The following NEBL variants were observed in gnomAD, a reference collection of about 807,000 sequenced individuals.
NEBL encodes the protein LIM and SH3 protein 2.
In NEBL, 122 loss-of-function variants were observed where a neutral mutation model predicts 140.2. The observed-to-expected ratio is 0.87, with a 90% confidence interval of 0.75 to 1.01. The LOEUF (loss-of-function observed/expected upper bound fraction) is 1.01. Among genes scored for constraint, NEBL ranks in the 50% least tolerant of loss-of-function variants. The pLI is 0.00. For missense variants in NEBL, 1,365 were observed against 1,231.3 expected (o/e 1.11, Z -1.62); for synonymous variants, 436 against 398.9 (o/e 1.09, Z -1.11).
chr10:21,038,363 A>G (rs1372029021), intron 2 of NEBL, among the ~76,000 whole-genome samples: 1 of 151,942 alleles, frequency 6.6e-6, no homozygotes, highest in Non-Finnish European at 1.5e-5. Flanking sequence ...TCTCCCCTTT[A>G]CTGCCAGCCC....
intron 4 of NEBL, among the ~76,000 whole-genome samples, chr10:20,919,251 A>G (rs1450410398): frequency 3.9e-5 from 6 of 152,164 alleles, no homozygotes; most frequent in African/African-American, 2.4e-5. Flanking sequence ...TATGCAACGT[A>G]CTGGTTGAGA....
At chr10:20,903,263 A>T (rs1489664801) in intron 4 of NEBL, among the ~76,000 whole-genome samples, 1 of 152,246 alleles carries the variant, frequency 6.6e-6, no homozygotes, top group Non-Finnish European at 1.5e-5. Flanking sequence ...ATATGAAAAA[A>T]ATGCTCAATA....
At chr10:20,973,207 T>C (rs1234591716) in intron 3 of NEBL, among the ~76,000 whole-genome samples, 4 of 152,184 alleles carry the variant, frequency 2.6e-5, no homozygotes, top group Non-Finnish European at 5.9e-5. Flanking sequence ...TCCTGATTAA[T>C]CTTCAAAATC....
chr10:20,889,033 G>A (rs758489599), intron 3 of NEBL, among the ~76,000 whole-genome samples: 13 of 152,152 alleles, frequency 8.5e-5, no homozygotes, highest in Admixed American at 3.3e-4. Context: ...GAAAGAAAAC[G>A]TACTGATTTC....
intron 2 of NEBL, among the ~76,000 whole-genome samples, chr10:21,101,164 T>C (rs755647099): frequency 3.9e-5 from 6 of 152,178 alleles, no homozygotes; most frequent in Admixed American, 6.5e-5. Context: ...ACTTCCTGAA[T>C]TGAGGCAAGA....
chr10:21,083,212 G>T (rs573117139), intron 2 of NEBL, among the ~76,000 whole-genome samples: 197 of 152,304 alleles, frequency 1.3e-3, no homozygotes, highest in African/African-American at 4.7e-3. Flanking sequence ...AGTTAGGAAG[G>T]CCTATCAGGG....
chr10:20,945,988 C>G (rs1182554258), intron 4 of NEBL, among the ~76,000 whole-genome samples: 3 of 152,134 alleles, frequency 2.0e-5, no homozygotes, highest in Non-Finnish European at 4.4e-5. Flanking sequence ...GGGATTGTTG[C>G]TAAAAATAAG....
At chr10:21,211,625 T>C (rs766671958) in intron 3 of NEBL, among the ~76,000 whole-genome samples, 3 of 152,200 alleles carry the variant, frequency 2.0e-5, no homozygotes, top group Non-Finnish European at 4.4e-5. Context: ...GGAAAGCCAA[T>C]GAGCTGCCAT....
chr10:20,816,564 T>A (rs1295192792), intron 21 of NEBL, among the ~76,000 whole-genome samples: 1 of 152,210 alleles, frequency 6.6e-6, no homozygotes, highest in Non-Finnish European at 1.5e-5. Context: ...ATATAGTTGT[T>A]AGGAAAAGTA....
intron 3 of NEBL, among the ~76,000 whole-genome samples, chr10:21,004,139 A>G (rs1040883647): frequency 6.6e-6 from 1 of 152,204 alleles, no homozygotes. Context: ...TTTTTAAACC[A>G]TTCTAGCCTT....
intron 2 of NEBL, among the ~76,000 whole-genome samples, chr10:21,053,590 T>C (rs989369355): frequency 6.6e-6 from 1 of 152,238 alleles, no homozygotes; most frequent in Non-Finnish European, 1.5e-5. Context: ...GGATTCTTTA[T>C]AAGCCTCATC....
rs1184112926 is a variant in NEBL at position 21,227,707 on chromosome 10, CTTCT to C, written n.348+20210_348+20213del. Among the ~76,000 whole-genome samples, 450 of 79,700 alleles carry C rather than the reference CTTCT, an allele frequency of 5.6e-3. 1 individual carries two copies. The highest frequency in any genetic ancestry group is 0.013 in the Middle Eastern group (2 of 160). 52.3% of individuals were successfully genotyped at this position (79,700 alleles called of 152,430 possible). ...TCTTCTTCTTCTTCTTCTTCTTCTT[CTTCT>C]TTCTTCTTCTTCTTCTTCTTCTTCT... On this transcript the variant is annotated intron_variant and non_coding_transcript_variant, in intron 3 of 8. Coordinates refer to the NEBL transcript ENST00000675702.
At chr10:20,906,568 T>C (rs949174027) in intron 4 of NEBL, among the ~76,000 whole-genome samples, 36 of 152,144 alleles carry the variant, frequency 2.4e-4, no homozygotes, top group Non-Finnish European at 1.8e-4. Context: ...CTCTGAAGAG[T>C]GAGAACTAGT....
At chr10:20,853,793 AG>A (rs1464171028) in intron 9 of NEBL, among the ~76,000 whole-genome samples, 3 of 152,154 alleles carry the variant, frequency 2.0e-5, no homozygotes, top group African/African-American at 7.2e-5. Context: ...ATACCGTTAG[AG>A]AGAATGAGTT....
rs573266631 is a variant in NEBL at position 21,158,873 on chromosome 10, C to T, written c.164+13510G>A. Among the ~76,000 whole-genome samples, 4 of 152,192 alleles carry T rather than the reference C, an allele frequency of 2.6e-5. No individual in the cohort carries two copies. The South Asian group carries it at 8.3e-4, about 32-fold the overall frequency. ...GCTAAATAGGATTTTTTTCTGTCAT[C>T]GTTTATTATCACAATTATCCTCCCC... On this transcript the variant is annotated intron_variant, in intron 2 of 6. Coordinates refer to the NEBL transcript ENST00000417816.
At chr10:20,955,121 T>C (rs1825491266) in intron 4 of NEBL, among the ~76,000 whole-genome samples, 1 of 152,146 alleles carries the variant, frequency 6.6e-6, no homozygotes, top group Admixed American at 6.5e-5. Flanking sequence ...CACACTCCTA[T>C]CAAGGGGTAG....
At chr10:20,999,913 A>G (rs556111337) in intron 3 of NEBL, among the ~76,000 whole-genome samples, 1 of 152,242 alleles carries the variant, frequency 6.6e-6, no homozygotes, top group Non-Finnish European at 1.5e-5. Context: ...GATGTTTGAG[A>G]AAAGATCATG....
chr10:21,209,877 C>T (rs1309060166), intron 3 of NEBL, among the ~76,000 whole-genome samples: 1 of 151,984 alleles, frequency 6.6e-6, no homozygotes, highest in Non-Finnish European at 1.5e-5. Flanking sequence ...CACGATTATC[C>T]TTGTGGAGCC....
At chr10:21,123,921 G>A (rs1007268018) in intron 2 of NEBL, among the ~76,000 whole-genome samples, 2 of 135,538 alleles carry the variant, frequency 1.5e-5, no homozygotes, top group South Asian at 2.3e-4. Flanking sequence ...TTTAATTTTT[G>A]TCTTCTAGAA....
Sources: allele counts gnomAD v4.1 joint callset (sites outside exome capture counted in the v4.1 genomes callset), GRCh38; gene constraint gnomAD v4.1.1; transcripts MANE v1.5; gene names NCBI Gene and HGNC (gene_info 2026-07-23, HGNC 2026-07-21).